Variants in FAM217B observed in about 807,000 individuals in gnomAD.
FAM217B encodes family with sequence similarity 217 member B.
For synonymous variants in FAM217B, 163 were observed against 173.0 expected (o/e 0.94, Z 0.45); for missense variants, 463 against 456.9 (o/e 1.01, Z -0.12).
In FAM217B at chr20:59,944,634, C is replaced by G. The variant is rs755207205; in HGVS notation, c.691C>G (p.Leu231Val). Residue 231 changes from leucine (L) to valine (V), a missense_variant, in exon 4 of 4, where the codon CTG (leucine) becomes GTG (valine). Leu to Val is a conservative substitution (Grantham distance 32). Coordinates refer to ENST00000360816, the MANE Select transcript of FAM217B (RefSeq NM_022106.3). ...GAGAAGTAAGCTAATTGCTAGTGCTCTGTCCAAGCCACTACCTCACCAGGA... is the reference window on the plus strand; with the variant it reads ...GAGAAGTAAGCTAATTGCTAGTGCTGTGTCCAAGCCACTACCTCACCAGGA... ...PGRSKLIASA[L>V]SKPLPHQEGA... The G allele has an allele frequency of 3.1e-6, 5 of 1,614,100 alleles. No homozygotes were observed. The highest frequency in any genetic ancestry group is 4.2e-6 in the Non-Finnish European group (5 of 1,180,026).
At chr20:59,934,485 C>T (rs1314382265) in intron 1 of FAM217B, among the ~76,000 whole-genome samples, 1 of 152,168 alleles carries the variant, frequency 6.6e-6, no homozygotes. Context: ...AACTGTTCCA[C>T]GTGCACTGAG....
Position 59,945,749 on chromosome 20 carries a change from T to G in FAM217B, c.*654T>G, listed in dbSNP as rs2060933668. The stretch of plus-strand genomic sequence containing the variant: ...CTGACATGGTTTTTTTTTTCTTTTT[T>G]GAGGGGCATTTTAAACTTAGAGGTG... On this transcript the variant is annotated 3_prime_UTR_variant, in exon 4 of 4. Coordinates refer to ENST00000360816, the MANE Select transcript of FAM217B (RefSeq NM_022106.3). 1 of 167,024 alleles carries G rather than the reference T, an allele frequency of 6.0e-6. No homozygotes were observed. Among genetic ancestry groups the G allele is most frequent in the African/African-American group, 2.4e-5 (1 of 41,446 alleles). The allele number at this position is 167,024 out of a possible 1,614,324, so 10.3% of individuals were successfully genotyped here.
upstream of FAM217B, among the ~76,000 whole-genome samples, chr20:59,936,291 C>T (rs2060861671): frequency 6.6e-6 from 1 of 152,212 alleles, no homozygotes; most frequent in South Asian, 2.1e-4. Context: ...ACTTACACCA[C>T]TCTGAGCTTT....
At position 59,947,544 on chromosome 20, in the gene FAM217B, T is replaced by C. The variant is rs1258219645; in HGVS notation, c.*2449T>C. 6.0e-6 allele frequency: 1 copy of C among 167,058 alleles called. No homozygotes were observed. Among genetic ancestry groups the C allele is most frequent in the South Asian group, 2.1e-4 (1 of 4,826 alleles). The allele number at this position is 167,058 out of a possible 1,614,324, so 10.3% of individuals were successfully genotyped here. A position where few individuals can be genotyped will look rare whatever the true frequency, so the allele number is the denominator to read the frequency against. On this transcript the variant is annotated 3_prime_UTR_variant, in exon 4 of 4. Transcript: ENST00000360816. Reference sequence around the variant, plus strand: ...AAGAAAGAAATTGAGAAGTAACGCCTCATAATATTTGTTCCCAGCTTTTTA... The same window carrying C: ...AAGAAAGAAATTGAGAAGTAACGCCCCATAATATTTGTTCCCAGCTTTTTA...
chr20:59,943,982 A>G lies in FAM217B; in HGVS notation c.39A>G (p.Ser13=), dbSNP rs1184524000. The G allele has an allele frequency of 1.9e-6, 3 of 1,609,440 alleles. No individual in the cohort carries two copies. Among genetic ancestry groups the G allele is most frequent in the African/African-American group, 2.7e-5 (2 of 74,552 alleles). Residue 13 remains serine (S), a synonymous_variant, in exon 4 of 4, where the codon TCA becomes TCG. Transcript: ENST00000360816. ...CATCTTGGAATAAAGTGCAACATTCAAAGAATTCTTCAGGAAAAAGGCAGA... is the reference window on the plus strand; with the variant it reads ...CATCTTGGAATAAAGTGCAACATTCGAAGAATTCTTCAGGAAAAAGGCAGA... ...AGPSWNKVQH[S]KNSSGKRQSK... is the part of the protein sequence containing the mutation.
At chr20:59,938,756 G>T (rs1027413953), upstream of FAM217B, 7 of 320,948 alleles carry the variant, frequency 2.2e-5, no homozygotes, top group Non-Finnish European at 3.4e-5. Context: ...CTCCCCAGAG[G>T]GCCCACCCTC....
intron 1 of FAM217B, among the ~76,000 whole-genome samples, chr20:59,935,263 A>G (rs907007345): frequency 2.0e-5 from 3 of 152,240 alleles, no homozygotes; most frequent in African/African-American, 7.2e-5. Flanking sequence ...TTCAAAAATT[A>G]ATAGTGATGA....
intron 1 of FAM217B, among the ~76,000 whole-genome samples, chr20:59,941,760 A>G (rs990953189): frequency 1.3e-5 from 2 of 152,158 alleles, no homozygotes; most frequent in Non-Finnish European, 2.9e-5. Context: ...AATCATTGCC[A>G]TTTTTCTGGG....
At position 59,945,951 on chromosome 20, in the gene FAM217B, C is replaced by T. The variant is rs903225064; in HGVS notation, c.*856C>T. 3 of 167,030 alleles carry T rather than the reference C, an allele frequency of 1.8e-5. No individual in the cohort carries two copies. Among genetic ancestry groups the T allele is most frequent in the Non-Finnish European group, 4.4e-5 (3 of 68,118 alleles). The allele number at this position is 167,030 out of a possible 1,614,324, so 10.3% of individuals were successfully genotyped here. A position where few individuals can be genotyped will look rare whatever the true frequency, so the allele number is the denominator to read the frequency against. On this transcript the variant is annotated 3_prime_UTR_variant, in exon 4 of 4. Transcript: ENST00000360816. ...CCAGAGAGGCACCCCAGGGAAATCA[C>T]TCTTTACAATTTGTAAAGGAAGGGC...
At position 59,944,047 on chromosome 20, in the gene FAM217B, G is replaced by A; in HGVS notation, c.104G>A (p.Ser35Asn). Reference protein sequence around the residue: ...QVPHASSQPRSSLTAVTQPTE... With the variant: ...QVPHASSQPRNSLTAVTQPTE... ...CCCCACGCTTCTTCCCAGCCGAGAA[G>A]CAGCCTCACAGCTGTCACCCAGCCT... Residue 35 changes from serine to asparagine, a missense_variant, in exon 4 of 4, where the codon AGC becomes AAC. Physicochemically the swap from Ser to Asn is conservative, Grantham distance 46 (BLOSUM62 1). Transcript: ENST00000360816. 6.2e-7 allele frequency: 1 copy of A among 1,614,158 alleles called. No individual in the cohort carries two copies.
chr20:59,938,147 T>A (rs2060873250), upstream of FAM217B: 1 of 152,244 alleles, frequency 6.6e-6, no homozygotes, highest in Admixed American at 6.5e-5. Flanking sequence ...TGAAATTCTC[T>A]AGTCACCTGA....
chr20:59,944,603 C>T lies in FAM217B; in HGVS notation c.660C>T (p.Ser220=), dbSNP rs765697638. 6.2e-7 allele frequency: 1 copy of T among 1,614,002 alleles called. No homozygotes were observed. Among genetic ancestry groups the T allele is most frequent in the Non-Finnish European group, 8.5e-7 (1 of 1,180,014 alleles). Residue 220 remains serine, a synonymous_variant, in exon 4 of 4, where the codon AGC becomes AGT. Coordinates refer to ENST00000360816, the MANE Select transcript of FAM217B (RefSeq NM_022106.3). ...CTGGGACCTCAGGGGCACTGAAAAG[C>T]CCTGGGAGAAGTAAGCTAATTGCTA... The part of the protein sequence containing the change: ...TAPGTSGALK[S]PGRSKLIASA...
chr20:59,948,097 T>C lies in FAM217B; in HGVS notation c.*3002T>C, dbSNP rs1442978320. 6.2e-6 allele frequency: 1 copy of C among 162,214 alleles called. No individual in the cohort carries two copies. The highest frequency in any genetic ancestry group is 1.5e-5 in the Non-Finnish European group (1 of 66,974). 10.0% of individuals were successfully genotyped at this position (162,214 alleles called of 1,614,324 possible). On this transcript the variant is annotated 3_prime_UTR_variant, in exon 4 of 4. Coordinates refer to ENST00000360816, the MANE Select transcript of FAM217B (RefSeq NM_022106.3). ...ATATTTTAGGCTTAGAATTATCTAA[T>C]GGAAAAAATGTAAAAAAGTACAAAA...
rs918084864 is a variant in FAM217B, at chr20:59,948,389, T to G, written c.*3294T>G. On this transcript the variant is annotated 3_prime_UTR_variant, in exon 4 of 4. Transcript: ENST00000360816. Reference sequence around the variant, plus strand: ...ACATAAGACTTTCTACTTTATCTGATATGGATATCGTCTACTTCCTCATTC... The same window carrying G: ...ACATAAGACTTTCTACTTTATCTGAGATGGATATCGTCTACTTCCTCATTC... The G allele has an allele frequency of 2.4e-5, 4 of 167,192 alleles. No individual in the cohort carries two copies. In the East Asian group the frequency reaches 7.7e-4, roughly 32 times the overall value. 10.4% of individuals were successfully genotyped at this position (167,192 alleles called of 1,614,324 possible). A position where few individuals can be genotyped will look rare whatever the true frequency, so the allele number is the denominator to read the frequency against.
At chr20:59,940,057 G>A (rs2060891057), upstream of FAM217B, 1 of 773,576 alleles carries the variant, frequency 1.3e-6, no homozygotes, top group African/African-American at 1.8e-5. Flanking sequence ...GGACCTCTCG[G>A]GCCCGGTGCG....
upstream of FAM217B, chr20:59,939,218 G>A (rs1268005078): frequency 2.5e-6 from 4 of 1,610,770 alleles, no homozygotes; most frequent in Non-Finnish European, 3.4e-6. Flanking sequence ...CTGGAAAGCC[G>A]AAGGTGAAAA....
upstream of FAM217B, chr20:59,939,356 C>G: frequency 6.2e-7 from 1 of 1,610,880 alleles, no homozygotes; most frequent in South Asian, 1.1e-5. Context: ...ACACGCGCAC[C>G]GTACCGCTGA....
rs982914779 is a variant in FAM217B at position 59,942,485 on chromosome 20, G to A, written c.-32G>A. 6.6e-6 allele frequency: 1 copy of A among 152,180 alleles called. No individual in the cohort carries two copies. 9.4% of individuals were successfully genotyped at this position (152,180 alleles called of 1,614,324 possible). A position where few individuals can be genotyped will look rare whatever the true frequency, so the allele number is the denominator to read the frequency against. On this transcript the variant is annotated 5_prime_UTR_variant, in exon 3 of 4. Transcript: ENST00000360816. ...CGTGATTTTTTCAAGAAGAGGAATA[G>A]GGTGAATGAATCTCATCAGAAAAGC...
intron 1 of FAM217B, among the ~76,000 whole-genome samples, chr20:59,934,889 G>A (rs149101904): frequency 6.6e-6 from 1 of 152,254 alleles, no homozygotes; most frequent in Non-Finnish European, 1.5e-5. Context: ...GCTCTCAGAG[G>A]TGTTTTAAAT....
Sources: allele counts gnomAD v4.1 joint callset (sites outside exome capture counted in the v4.1 genomes callset), GRCh38; gene constraint gnomAD v4.1.1; transcripts MANE v1.5; gene names NCBI Gene and HGNC (gene_info 2026-07-23, HGNC 2026-07-21).